Variants in NDUFA8 observed in about 807,000 individuals in gnomAD.
NDUFA8 encodes the protein NADH:ubiquinone oxidoreductase subunit A8, also known as NADH dehydrogenase [ubiquinone] 1 alpha subcomplex subunit 8.
A neutral mutation model predicts 20.9 loss-of-function variants in NDUFA8; 16 were observed. The observed-to-expected ratio is 0.77, with a 90% CI of 0.52 to 1.16. The LOEUF is 1.16. Among genes scored for constraint, NDUFA8 ranks in the 50% most tolerant of loss-of-function variants. The pLI, the probability that NDUFA8 is intolerant of heterozygous loss-of-function variation, is 0.00. For missense variants in NDUFA8, 202 were observed against 216.4 expected (o/e 0.93, Z 0.42); for synonymous variants, 70 against 76.1 (o/e 0.92, Z 0.41).
intron 1 of NDUFA8, 64 bp downstream of exon 1, chr9:122,159,563 C>G: frequency 6.2e-7 from 1 of 1,602,010 alleles, no homozygotes. Context: ...CCAAGGGGGG[C>G]TAGGCCCAGG....
At position 122,148,201 on chromosome 9, in the gene NDUFA8, G is replaced by A. The variant is rs759352914; in HGVS notation, c.292C>T (p.Arg98Cys). ...TTTGCCTGCTGTTTGCGACAGTGACGAAATAACTGCTGGCCAGTATAATCA... is the reference window on the plus strand; with the variant it reads ...TTTGCCTGCTGTTTGCGACAGTGACAAAATAACTGCTGGCCAGTATAATCA... ...CIDYTGQQLF[R>C]HCRKQQAKFD... Residue 98 changes from arginine to cysteine, a missense_variant, in exon 3 of 4, where the codon CGT (arginine) becomes TGT (cysteine). Arg to Cys is a radical substitution (Grantham distance 180, BLOSUM62 -3). Transcript: ENST00000373768. The A allele has an allele frequency of 9.9e-6, 16 of 1,614,046 alleles. 1 individual carries two copies. Among genetic ancestry groups the A allele is most frequent in the East Asian group, 2.2e-5 (1 of 44,884 alleles).
At position 122,144,342 on chromosome 9, in the gene NDUFA8, T is replaced by G; in HGVS notation, c.418A>C (p.Asn140His). ...GGTCTTGGTCTTGAGTGATAGGGAT[T>G]CTCCGGTAAAGGTCGATCTGTTTTC... is the stretch of plus-strand genomic sequence containing the variant. ...KVKTDRPLPE[N>H]PYHSRPRPDP... Residue 140 changes from asparagine (N) to histidine (H), a missense_variant, in exon 4 of 4, where the codon AAT (asparagine) becomes CAT (histidine). By Grantham distance (68) the Asn-to-His change is moderately conservative (BLOSUM62 1). Coordinates refer to ENST00000373768, the MANE Select transcript of NDUFA8 (RefSeq NM_014222.3). The G allele has an allele frequency of 6.2e-7, 1 of 1,614,136 alleles. No homozygotes were observed. Among genetic ancestry groups the G allele is most frequent in the Non-Finnish European group, 8.5e-7 (1 of 1,180,008 alleles).
the NDUFA8 span, among the ~76,000 whole-genome samples, chr9:122,134,016 C>T: frequency 6.6e-6 from 1 of 152,208 alleles, no homozygotes; most frequent in African/African-American, 2.4e-5. Context: ...GGCCACCTAA[C>T]TTCTCTGGGC....
At chr9:122,149,956 CA>C (rs1048614349) in intron 2 of NDUFA8, among the ~76,000 whole-genome samples, 7 of 143,600 alleles carry the variant, frequency 4.9e-5, no homozygotes, top group Non-Finnish European at 7.7e-5. Flanking sequence ...GACTCTGTCT[CA>C]AAAAAAAAAG....
chr9:122,139,662 C>T (rs1536958), downstream of NDUFA8, among the ~76,000 whole-genome samples: 116,767 of 152,166 alleles, frequency 0.77, 45,105 homozygotes, highest in African/African-American at 0.84. Flanking sequence ...CTTATTACAG[C>T]GCCTGTATGT....
At chr9:122,150,486 A>G (rs994768175) in intron 2 of NDUFA8, among the ~76,000 whole-genome samples, 1 of 151,704 alleles carries the variant, frequency 6.6e-6, no homozygotes, top group Non-Finnish European at 1.5e-5. Flanking sequence ...TTTATAGAGT[A>G]AACTCACTGT....
chr9:122,142,524 G>A (rs756146854), downstream of NDUFA8, among the ~76,000 whole-genome samples: 13 of 152,130 alleles, frequency 8.5e-5, no homozygotes, highest in Admixed American at 3.3e-4. Context: ...TGAGAACCAC[G>A]CATGGCTTTG....
At chr9:122,158,715 TACA>T in intron 1 of NDUFA8, among the ~76,000 whole-genome samples, 1 of 149,248 alleles carries the variant, frequency 6.7e-6, no homozygotes, top group East Asian at 1.9e-4. Flanking sequence ...ATATGGTATA[TACA>T]TATATATATA....
chr9:122,133,774 C>T, the NDUFA8 span, among the ~76,000 whole-genome samples: 4 of 152,206 alleles, frequency 2.6e-5, no homozygotes, highest in Admixed American at 1.3e-4. Flanking sequence ...GGTGGAGCTG[C>T]GACATTCAAG....
chr9:122,143,032 CGGATGTGGGGTCAGCACCAGGT>C (rs1828844873), downstream of NDUFA8, among the ~76,000 whole-genome samples: 1 of 152,174 alleles, frequency 6.6e-6, no homozygotes. Flanking sequence ...AAAATGCTTC[CGGATGTGGGGTCAGCACCAGGT>C]GCAGAAGCGG....
intron 2 of NDUFA8, among the ~76,000 whole-genome samples, chr9:122,151,352 T>G (rs1413650113): frequency 6.6e-6 from 1 of 152,158 alleles, no homozygotes; most frequent in Non-Finnish European, 1.5e-5. Context: ...AATCAGAGCT[T>G]TTTATCTCCT....
At chr9:122,151,195 T>C (rs1210499310) in intron 2 of NDUFA8, among the ~76,000 whole-genome samples, 1 of 152,168 alleles carries the variant, frequency 6.6e-6, no homozygotes, top group African/African-American at 2.4e-5. Context: ...TTCATTGTAG[T>C]GGACATCGGT....
chr9:122,158,753 ATG>A (rs1255077503), intron 1 of NDUFA8, among the ~76,000 whole-genome samples: 1 of 148,958 alleles, frequency 6.7e-6, no homozygotes, highest in African/African-American at 2.5e-5. Context: ...ATATATATAT[ATG>A]GTATATATAT....
At chr9:122,138,680 T>TA in the NDUFA8 span, among the ~76,000 whole-genome samples, 3 of 152,154 alleles carry the variant, frequency 2.0e-5, no homozygotes, top group African/African-American at 7.2e-5. Context: ...AAGGAGAAGA[T>TA]ACAACTGCAA....
chr9:122,159,728 G>T lies in NDUFA8; in HGVS notation c.-51C>A. The T allele has an allele frequency of 6.2e-7, 1 of 1,613,130 alleles. No individual in the cohort carries two copies. On this transcript the variant is annotated 5_prime_UTR_variant, in exon 1 of 4. Coordinates refer to ENST00000373768, the MANE Select transcript of NDUFA8 (RefSeq NM_014222.3). ...AGAAGCCCTCAGCCGCGTCGCCCCC[G>T]TCTCCTTGAACTCCCCTTTCGACCG...
At chr9:122,144,007 A>G, downstream of NDUFA8, 7 of 1,281,652 alleles carry the variant, frequency 5.5e-6, no homozygotes, top group Non-Finnish European at 7.1e-6. Flanking sequence ...AGCAAGGGGA[A>G]GTCATCTTTA....
rs538091467 is a variant in NDUFA8 at position 122,144,263 on chromosome 9, C to T, written c.497G>A (p.Arg166His). The T allele has an allele frequency of 3.7e-6, 6 of 1,614,046 alleles. No individual in the cohort carries two copies. Among genetic ancestry groups the T allele is most frequent in the African/African-American group, 1.3e-5 (1 of 75,050 alleles). Residue 166 changes from arginine (R) to histidine (H), a missense_variant, in exon 4 of 4, where the codon CGC becomes CAC. Coordinates refer to ENST00000373768, the MANE Select transcript of NDUFA8 (RefSeq NM_014222.3). ...GDLQPATHGS[R>H]FYFWTK ...TCTTTACTTGGTCCAGAAATAAAAG[C>T]GGCTGCCATGTGTGGCAGGCTGCAG...
chr9:122,151,815 G>A (rs1324652141), intron 2 of NDUFA8, among the ~76,000 whole-genome samples: 1 of 152,096 alleles, frequency 6.6e-6, no homozygotes, highest in Non-Finnish European at 1.5e-5. Context: ...CATGCACAAT[G>A]ACCTACGTAA....
chr9:122,140,943 A>G (rs1588289172), downstream of NDUFA8, among the ~76,000 whole-genome samples: 1 of 152,260 alleles, frequency 6.6e-6, no homozygotes, highest in Non-Finnish European at 1.5e-5. Context: ...CTCATGCCCA[A>G]CCATCATACT....
Sources: gnomAD v4.1 joint callset for allele counts (sites outside exome capture counted in the v4.1 genomes callset) on GRCh38, gnomAD v4.1.1 for gene constraint, MANE v1.5 for transcripts, NCBI Gene and HGNC (gene_info 2026-07-23, HGNC 2026-07-21) for gene names.